Variants in TENM1 observed in about 807,000 individuals in gnomAD.
The protein encoded by TENM1 is teneurin transmembrane protein 1.
In TENM1, 35 loss-of-function variants were observed where a neutral mutation model predicts 174.8. The observed-to-expected ratio is 0.20, with a 90% CI of 0.15 to 0.27. The LOEUF is 0.27. Among genes scored for constraint, TENM1 ranks in the 10% least tolerant of loss-of-function variants. TENM1 has a pLI of 1.00. For missense variants in TENM1, 1,633 were observed against 2,130.1 expected, an observed-to-expected ratio of 0.77 and a Z score of 4.59; for synonymous variants, 781 against 798.7, an observed-to-expected ratio of 0.98 and a Z score of 0.37.
At chrX:125,115,809 C>T in the TENM1 span, among the ~76,000 whole-genome samples, 1 of 110,666 alleles carries the variant, frequency 9.0e-6, no homozygotes, top group African/African-American at 3.3e-5. Flanking sequence ...AATGGCCATA[C>T]TACCCTAAGT....
At chrX:125,143,268 T>A in the TENM1 span, among the ~76,000 whole-genome samples, 1 of 111,839 alleles carries the variant, frequency 8.9e-6, no homozygotes, top group South Asian at 3.8e-4. Context: ...TTTTCCAATA[T>A]ATTTTTTATT....
At position 124,645,326 on chromosome X, in the gene TENM1, C is replaced by T. The variant is rs768335868; in HGVS notation, c.1693G>A (p.Val565Met). ...TATTCTCCATTCCCACCACACAGCA[C>T]AGGGCAGGAATCTGAAGGTTGGCAA... Residue 565 changes from valine (V) to methionine (M), a missense_variant, in exon 10 of 32, where the codon GTG becomes ATG. By Grantham distance (21) the Val-to-Met change is conservative. Transcript: ENST00000422452. The T allele has an allele frequency of 6.6e-6, 8 of 1,209,369 alleles. No individual in the cohort carries two copies. Among genetic ancestry groups the T allele is most frequent in the Non-Finnish European group, 8.9e-6 (8 of 894,257 alleles).
chrX:124,709,719 A>C (rs2052998785), intron 4 of TENM1, among the ~76,000 whole-genome samples: 1 of 111,151 alleles, frequency 9.0e-6, no homozygotes, highest in African/African-American at 3.3e-5. Context: ...TCTTCACCAG[A>C]TTAGCATCAG....
the TENM1 span, among the ~76,000 whole-genome samples, chrX:125,051,745 A>G: frequency 8.7e-5 from 9 of 104,017 alleles, no homozygotes; most frequent in African/African-American, 3.2e-4. Flanking sequence ...AAAACCCTAG[A>G]AGAAAACCTA....
intron 3 of TENM1, among the ~76,000 whole-genome samples, chrX:124,745,603 G>C (rs909483471): frequency 8.1e-5 from 9 of 110,961 alleles, no homozygotes; most frequent in Non-Finnish European, 1.3e-4. Flanking sequence ...GAGAGAAAGG[G>C]GTTGGGGTTA....
intron 27 of TENM1, among the ~76,000 whole-genome samples, chrX:124,396,324 C>T (rs1285277610): frequency 1.1e-4 from 4 of 36,979 alleles, no homozygotes; most frequent in East Asian, 6.3e-4. Context: ...TTTTTCGAGC[C>T]GGAGTTTTGC....
chrX:124,564,502 C>G (rs756527605), intron 12 of TENM1, among the ~76,000 whole-genome samples: 45 of 111,259 alleles, frequency 4.0e-4, no homozygotes, highest in African/African-American at 1.5e-3. Flanking sequence ...CATGAATTTT[C>G]TGTGTAGTCA....
At chrX:125,119,185 C>T in the TENM1 span, among the ~76,000 whole-genome samples, 2 of 111,442 alleles carry the variant, frequency 1.8e-5, no homozygotes, top group Non-Finnish European at 3.8e-5. Context: ...AGAAAGGACA[C>T]TACAACAGCT....
intron 3 of TENM1, among the ~76,000 whole-genome samples, chrX:124,845,514 G>A (rs1361303948): frequency 5.4e-5 from 6 of 111,781 alleles, no homozygotes; most frequent in Admixed American, 2.9e-4. Context: ...GTAATGTGTA[G>A]TAACATTATT....
chrX:124,515,925 G>T (rs150026792), intron 18 of TENM1, among the ~76,000 whole-genome samples: 1 of 110,604 alleles, frequency 9.0e-6, no homozygotes, highest in East Asian at 2.8e-4. Flanking sequence ...AAAGCTGGAG[G>T]CATCACATTA....
intron 27 of TENM1, among the ~76,000 whole-genome samples, chrX:124,400,071 C>T (rs930833678): frequency 1.2e-4 from 13 of 111,929 alleles, no homozygotes; most frequent in Admixed American, 1.1e-3. Flanking sequence ...AGGAAATCTC[C>T]TGTCTCCAGG....
chrX:124,451,589 G>C (rs1341692872), intron 23 of TENM1, among the ~76,000 whole-genome samples: 1 of 111,963 alleles, frequency 8.9e-6, no homozygotes, highest in Non-Finnish European at 1.9e-5. Context: ...AAAGAACAAA[G>C]CTGGAGGCAT....
At chrX:124,769,959 G>A (rs913947066) in intron 3 of TENM1, among the ~76,000 whole-genome samples, 2 of 111,353 alleles carry the variant, frequency 1.8e-5, no homozygotes, top group Non-Finnish European at 3.8e-5. Flanking sequence ...ACTGAGGAGG[G>A]CCTTGGAAAC....
At chrX:124,955,795 A>ACG (rs1556430408) in intron 1 of TENM1, among the ~76,000 whole-genome samples, 5 of 85,465 alleles carry the variant, frequency 5.9e-5, no homozygotes, top group African/African-American at 1.2e-4. Context: ...ACACACGCGC[A>ACG]CGCACACACA....
chrX:124,438,180 G>A (rs2060864441), intron 23 of TENM1, among the ~76,000 whole-genome samples: 3 of 111,050 alleles, frequency 2.7e-5, no homozygotes, highest in Non-Finnish European at 3.8e-5. Context: ...TGCTTGCCTC[G>A]GCCTCCCAAA....
intron 10 of TENM1, among the ~76,000 whole-genome samples, chrX:124,644,210 CAT>C (rs202056765): frequency 3.7e-4 from 35 of 95,649 alleles, no homozygotes; most frequent in East Asian, 3.2e-4. Context: ...TTTACATATA[CAT>C]ATATATATAT....
intron 11 of TENM1, among the ~76,000 whole-genome samples, chrX:124,627,331 C>A (rs1271845256): frequency 8.9e-6 from 1 of 111,839 alleles, no homozygotes; most frequent in African/African-American, 3.3e-5. Flanking sequence ...AAATTCTGGC[C>A]AAGTTAATGT....
chrX:124,879,062 G>A (rs112063498), intron 3 of TENM1, among the ~76,000 whole-genome samples: 1,317 of 112,170 alleles, frequency 0.012, 23 homozygotes, highest in African/African-American at 0.04. Flanking sequence ...AGAATGTGCA[G>A]TGATCCAATC....
intron 3 of TENM1, among the ~76,000 whole-genome samples, chrX:124,834,887 C>G (rs964521101): frequency 8.9e-6 from 1 of 112,034 alleles, no homozygotes; most frequent in African/African-American, 3.2e-5. Context: ...CTCAATCAAT[C>G]TTTATTTCAG....
Sources: allele counts gnomAD v4.1 joint callset (sites outside exome capture counted in the v4.1 genomes callset), GRCh38; gene constraint gnomAD v4.1.1; transcripts MANE v1.5; gene names NCBI Gene and HGNC (gene_info 2026-07-23, HGNC 2026-07-21).